Variants in CCDC126 observed in about 807,000 individuals in gnomAD.
CCDC126 encodes coiled-coil domain-containing protein 126.
Under a neutral mutation model 11.7 loss-of-function variants are expected in CCDC126, and 5 were observed. The ratio of observed to expected loss-of-function variants is 0.43; its 90% CI spans 0.22 to 0.90. The LOEUF (loss-of-function observed/expected upper bound fraction) is 0.90, where lower values mean the gene tolerates loss of function less well. Ranked by LOEUF, CCDC126 falls within the 40% of genes least tolerant of loss-of-function variation. The pLI is 0.27. For synonymous variants in CCDC126, 60 were observed against 61.9 expected, an observed-to-expected ratio of 0.97 and a Z score of 0.14; for missense variants, 150 against 163.1, an observed-to-expected ratio of 0.92 and a Z score of 0.44.
intron 2 of CCDC126, among the ~76,000 whole-genome samples, chr7:23,603,343 A>G (rs1341002582): frequency 1.3e-5 from 2 of 152,250 alleles, no homozygotes; most frequent in African/African-American, 4.8e-5. Flanking sequence ...AATAGTTCAA[A>G]TTAGGCATCT....
At chr7:23,617,348 CAAAAAAAA>C (rs35391703) in intron 3 of CCDC126, among the ~76,000 whole-genome samples, 24 of 36,238 alleles carry the variant, frequency 6.6e-4, no homozygotes, top group South Asian at 2.5e-3. Flanking sequence ...ATGCTGTCTC[CAAAAAAAA>C]AAAAAAAAAA....
chr7:23,633,692 G>A (rs1783155033), intron 3 of CCDC126, among the ~76,000 whole-genome samples: 1 of 152,008 alleles, frequency 6.6e-6, no homozygotes, highest in Non-Finnish European at 1.5e-5. Context: ...GCGAAACCTT[G>A]TCTCTACAGA....
chr7:23,612,820 A>G (rs762307572), intron 3 of CCDC126, among the ~76,000 whole-genome samples: 18 of 152,282 alleles, frequency 1.2e-4, no homozygotes, highest in South Asian at 6.2e-4. Flanking sequence ...TTTTGCCTAT[A>G]TATCTCCAGT....
intron 3 of CCDC126, among the ~76,000 whole-genome samples, chr7:23,631,354 G>A (rs1218845193): frequency 1.3e-5 from 2 of 152,192 alleles, no homozygotes; most frequent in Admixed American, 1.3e-4. Flanking sequence ...ATAATGAACA[G>A]TGAACAGCTC....
chr7:23,634,581 T>C (rs1783174511), intron 3 of CCDC126, among the ~76,000 whole-genome samples: 1 of 152,246 alleles, frequency 6.6e-6, no homozygotes, highest in Admixed American at 6.5e-5. Context: ...GATTTATTCC[T>C]TACCCTTTCT....
At chr7:23,614,261 C>T (rs1430419273) in intron 3 of CCDC126, among the ~76,000 whole-genome samples, 1 of 152,210 alleles carries the variant, frequency 6.6e-6, no homozygotes, top group Non-Finnish European at 1.5e-5. Flanking sequence ...GTTGTCATTT[C>T]AACAGTGTCC....
intron 3 of CCDC126, among the ~76,000 whole-genome samples, chr7:23,627,650 G>T (rs959046442): frequency 1.4e-4 from 22 of 151,990 alleles, no homozygotes; most frequent in African/African-American, 5.1e-4. Context: ...CCAGGCTGGA[G>T]TACAGTGGCA....
At chr7:23,634,736 C>T (rs1783177377) in intron 3 of CCDC126, among the ~76,000 whole-genome samples, 1 of 152,074 alleles carries the variant, frequency 6.6e-6, no homozygotes, top group Non-Finnish European at 1.5e-5. Flanking sequence ...TATTTTTTCC[C>T]CTCCGTCTCT....
intron 3 of CCDC126, among the ~76,000 whole-genome samples, chr7:23,638,387 C>T (rs1368793973): frequency 1.1e-5 from 1 of 92,754 alleles, no homozygotes; most frequent in Non-Finnish European, 2.1e-5. Context: ...ATTCTTCTGC[C>T]TTGGGATCCT....
intron 3 of CCDC126, among the ~76,000 whole-genome samples, chr7:23,616,608 G>T (rs1294745452): frequency 1.3e-5 from 2 of 152,116 alleles, no homozygotes; most frequent in African/African-American, 4.8e-5. Context: ...TAAAGGCTCT[G>T]CTCTGTTCTG....
chr7:23,643,352 A>T lies in CCDC126; in HGVS notation c.*237A>T. The T allele has an allele frequency of 2.8e-6, 1 of 363,414 alleles. No individual in the cohort carries two copies. Among genetic ancestry groups the T allele is most frequent in the Non-Finnish European group, 4.9e-6 (1 of 204,832 alleles). The allele number at this position is 363,414 out of a possible 1,614,324, so 22.5% of individuals were successfully genotyped here. A position where few individuals can be genotyped will look rare whatever the true frequency, so the allele number is the denominator to read the frequency against. On this transcript the variant is annotated 3_prime_UTR_variant, in exon 4 of 4. Transcript: ENST00000307471. The stretch of plus-strand genomic sequence containing the variant: ...ACTATGTCCTTAAAGAGAATTTGGT[A>T]ATTTGGTTGATGTGGTAAGCAGATA...
chr7:23,632,827 T>C (rs1783139282), intron 3 of CCDC126, among the ~76,000 whole-genome samples: 1 of 152,218 alleles, frequency 6.6e-6, no homozygotes, highest in South Asian at 2.1e-4. Flanking sequence ...ATGATTTTGA[T>C]GTAGATATTT....
intron 2 of CCDC126, chr7:23,603,972 C>T (rs1346668160): frequency 6.6e-6 from 1 of 152,134 alleles, no homozygotes; most frequent in Non-Finnish European, 1.5e-5. Flanking sequence ...TATGAAGTAA[C>T]ATGCTGTGGG....
chr7:23,607,664 C>T (rs1039269547), intron 2 of CCDC126, among the ~76,000 whole-genome samples: 14 of 152,104 alleles, frequency 9.2e-5, no homozygotes, highest in East Asian at 3.8e-4. Flanking sequence ...ATATTGGCCC[C>T]GGAGAATAAA....
intron 3 of CCDC126, among the ~76,000 whole-genome samples, chr7:23,635,541 A>G (rs1783194718): frequency 6.6e-6 from 1 of 152,244 alleles, no homozygotes; most frequent in Non-Finnish European, 1.5e-5. Flanking sequence ...GAACTCCAAG[A>G]AATAAGAGTT....
intron 3 of CCDC126, among the ~76,000 whole-genome samples, chr7:23,632,967 G>T (rs1338392426): frequency 6.6e-6 from 1 of 152,164 alleles, no homozygotes; most frequent in African/African-American, 2.4e-5. Flanking sequence ...ACTTACCTTA[G>T]TTCACTCATG....
At chr7:23,603,055 C>A (rs1204870580) in intron 2 of CCDC126, among the ~76,000 whole-genome samples, 1 of 152,142 alleles carries the variant, frequency 6.6e-6, no homozygotes, top group Non-Finnish European at 1.5e-5. Context: ...GTGTTTGAGC[C>A]TAGGCCTTTA....
chr7:23,607,596 T>A (rs1162175576), intron 2 of CCDC126, among the ~76,000 whole-genome samples: 2 of 152,240 alleles, frequency 1.3e-5, no homozygotes, highest in Non-Finnish European at 2.9e-5. Context: ...TATCTTTTTT[T>A]ATTTTTCTTA....
At chr7:23,622,530 A>C in intron 3 of CCDC126, 1 of 513,224 alleles carries the variant, frequency 1.9e-6, no homozygotes, top group Admixed American at 2.1e-5. Context: ...TCAACGATGG[A>C]CTGTCTGTAT....
Sources: allele counts gnomAD v4.1 joint callset (sites outside exome capture counted in the v4.1 genomes callset), GRCh38; gene constraint gnomAD v4.1.1; transcripts MANE v1.5; gene names NCBI Gene and HGNC (gene_info 2026-07-23, HGNC 2026-07-21).